ST3GAL1: variants seen among roughly 807,000 people sequenced by gnomAD.
ST3GAL1 encodes ST3 beta-galactoside alpha-2,3-sialyltransferase 1.
ST3GAL1 carries 16 observed loss-of-function variants against 34.1 expected under a neutral mutation model. That is an observed-to-expected ratio of 0.47 (90% CI 0.32 to 0.71). The LOEUF is 0.71. Ranked by LOEUF, ST3GAL1 falls within the 30% of genes least tolerant of loss-of-function variation. ST3GAL1 has a pLI of 0.04. For missense variants in ST3GAL1, 353 were observed against 447.4 expected (o/e 0.79, Z 1.90); for synonymous variants, 191 against 184.7 (o/e 1.03, Z -0.28).
chr8:133,513,455 A>G (rs1054149395), intron 2 of ST3GAL1, among the ~76,000 whole-genome samples: 1 of 152,200 alleles, frequency 6.6e-6, no homozygotes, highest in African/African-American at 2.4e-5. Flanking sequence ...CCATATTTAT[A>G]TAGAAGAAAA....
At chr8:133,558,497 G>A (rs191527429) in intron 1 of ST3GAL1, among the ~76,000 whole-genome samples, 2 of 152,262 alleles carry the variant, frequency 1.3e-5, no homozygotes, top group Non-Finnish European at 1.5e-5. Flanking sequence ...GGTTGAACAA[G>A]GTTACTGCAA....
intron 1 of ST3GAL1, among the ~76,000 whole-genome samples, chr8:133,549,411 A>T (rs972323624): frequency 1.3e-5 from 2 of 152,072 alleles, no homozygotes; most frequent in South Asian, 2.1e-4. Flanking sequence ...TCCAAAAAAA[A>T]AAAAAGATAT....
chr8:133,552,298 T>C (rs1365488633), intron 1 of ST3GAL1, among the ~76,000 whole-genome samples: 1 of 152,208 alleles, frequency 6.6e-6, no homozygotes, highest in Non-Finnish European at 1.5e-5. Flanking sequence ...TGAGACAGTC[T>C]AGCCAGATCA....
At chr8:133,481,054 G>C (rs963490140) in intron 3 of ST3GAL1, among the ~76,000 whole-genome samples, 2 of 152,124 alleles carry the variant, frequency 1.3e-5, no homozygotes, top group Non-Finnish European at 2.9e-5. Flanking sequence ...GATATCCTGT[G>C]ATACTTGGAT....
chr8:133,465,060 G>T, intron 6 of ST3GAL1, 103 bp from the exon 7 acceptor site: 1 of 1,192,830 alleles, frequency 8.4e-7, no homozygotes, highest in Non-Finnish European at 1.2e-6. Context: ...CTTCAGGGGT[G>T]TCACCTGCCT....
At chr8:133,549,693 T>C (rs1818785566) in intron 1 of ST3GAL1, among the ~76,000 whole-genome samples, 1 of 152,178 alleles carries the variant, frequency 6.6e-6, no homozygotes, top group Admixed American at 6.5e-5. Context: ...CCAGGCGTGG[T>C]GGCTCACGCC....
chr8:133,504,405 A>G (rs1449063649), intron 2 of ST3GAL1, among the ~76,000 whole-genome samples: 9 of 152,352 alleles, frequency 5.9e-5, no homozygotes, highest in South Asian at 2.1e-4. Flanking sequence ...ATCCAATCCA[A>G]TCAGCTTTTC....
intron 5 of ST3GAL1, among the ~76,000 whole-genome samples, chr8:133,473,816 A>G (rs190872699): frequency 3.3e-5 from 5 of 152,302 alleles, no homozygotes; most frequent in Admixed American, 6.5e-5. Flanking sequence ...AACATCCTGC[A>G]ATGCACGGGG....
chr8:133,462,109 A>G, intron 8 of ST3GAL1, 115 bp from the exon 9 acceptor site: 1 of 1,472,146 alleles, frequency 6.8e-7, no homozygotes, highest in Non-Finnish European at 9.2e-7. Flanking sequence ...AGCCTAATAG[A>G]TACGCCTGCA....
At chr8:133,565,461 C>T (rs1384385464) in intron 1 of ST3GAL1, among the ~76,000 whole-genome samples, 2 of 152,166 alleles carry the variant, frequency 1.3e-5, no homozygotes. Flanking sequence ...CCTTCCCCTA[C>T]CGTGCCACTT....
At chr8:133,561,222 C>G (rs1819213251) in intron 1 of ST3GAL1, among the ~76,000 whole-genome samples, 1 of 151,250 alleles carries the variant, frequency 6.6e-6, no homozygotes, top group Non-Finnish European at 1.5e-5. Context: ...CCTCTGGCCT[C>G]TGTTGCTTGA....
chr8:133,503,628 C>T (rs1232134626), intron 2 of ST3GAL1, among the ~76,000 whole-genome samples: 1 of 152,168 alleles, frequency 6.6e-6, no homozygotes, highest in Non-Finnish European at 1.5e-5. Context: ...CCCGCATGGA[C>T]TCTTCTGCCT....
intron 5 of ST3GAL1, among the ~76,000 whole-genome samples, chr8:133,472,780 G>T (rs1816018865): frequency 6.6e-6 from 1 of 151,964 alleles, no homozygotes; most frequent in Non-Finnish European, 1.5e-5. Context: ...CTGCAGAGAA[G>T]GGCTGCAGGT....
chr8:133,550,182 A>C (rs890808750), intron 1 of ST3GAL1, among the ~76,000 whole-genome samples: 2 of 152,188 alleles, frequency 1.3e-5, no homozygotes, highest in Non-Finnish European at 2.9e-5. Context: ...GGAGCCCTGG[A>C]AATCTTTTCT....
chr8:133,498,131 A>C (rs529599893), intron 3 of ST3GAL1, among the ~76,000 whole-genome samples: 2 of 152,306 alleles, frequency 1.3e-5, no homozygotes, highest in African/African-American at 4.8e-5. Context: ...CACAGCCTTC[A>C]TCAGGAACTG....
intron 1 of ST3GAL1, among the ~76,000 whole-genome samples, chr8:133,550,480 G>A (rs575828652): frequency 6.6e-6 from 1 of 152,322 alleles, no homozygotes; most frequent in Non-Finnish European, 1.5e-5. Context: ...TGACACAGCT[G>A]GAGAGCTGTG....
At chr8:133,477,984 G>A (rs1563702964) in intron 3 of ST3GAL1, among the ~76,000 whole-genome samples, 1 of 152,170 alleles carries the variant, frequency 6.6e-6, no homozygotes. Context: ...AAGATGCATA[G>A]GGTGCAACCC....
chr8:133,560,637 C>T (rs1263402267), intron 1 of ST3GAL1, among the ~76,000 whole-genome samples: 2 of 152,176 alleles, frequency 1.3e-5, no homozygotes, highest in Non-Finnish European at 2.9e-5. Flanking sequence ...GGGCCAGGCA[C>T]CTGGTGTGAC....
chr8:133,517,136 G>A (rs1018022970), intron 2 of ST3GAL1, among the ~76,000 whole-genome samples: 13 of 152,198 alleles, frequency 8.5e-5, no homozygotes, highest in African/African-American at 3.1e-4. Flanking sequence ...TTATGGGGAC[G>A]TTTTCAGTAA....
Sources: gnomAD v4.1 joint callset for allele counts (sites outside exome capture counted in the v4.1 genomes callset) on GRCh38, gnomAD v4.1.1 for gene constraint, MANE v1.5 for transcripts, NCBI Gene and HGNC (gene_info 2026-07-23, HGNC 2026-07-21) for gene names.